The following RNF216 variants were observed in gnomAD, a reference collection of about 807,000 sequenced individuals.
RNF216 encodes the protein ring finger protein 216.
Under a neutral mutation model 110.8 loss-of-function variants are expected in RNF216, and 72 were observed. The ratio of observed to expected loss-of-function variants is 0.65; its 90% CI spans 0.54 to 0.79. The LOEUF is 0.79. Among genes scored for constraint, RNF216 ranks in the 30% least tolerant of loss-of-function variants. The pLI is 0.00. For synonymous variants in RNF216, 495 were observed against 407.5 expected (o/e 1.21, Z -2.59); for missense variants, 1,342 against 1,141.2 (o/e 1.18, Z -2.54).
At position 5,671,697 on chromosome 7, in the gene RNF216, T is replaced by C. The variant is rs541906208; in HGVS notation, c.2062-19187A>G. On this transcript the variant is annotated intron_variant, in intron 13 of 16. Transcript: ENST00000389902. ...GCGGGCACCTGTAATCCCAGCTATT[T>C]GGAAGGCTGAGGCAGGAGAATCTCT... is the stretch of plus-strand genomic sequence containing the variant. Among the ~76,000 whole-genome samples the C allele has an allele frequency of 2.0e-5, 3 of 149,142 alleles. No individual in the cohort carries two copies. The Admixed American group carries it at 2.0e-4, about 10-fold the overall frequency.
chr7:5,654,830 A>G (rs1223368641), intron 13 of RNF216, among the ~76,000 whole-genome samples: 1 of 152,112 alleles, frequency 6.6e-6, no homozygotes, highest in East Asian at 1.9e-4. Flanking sequence ...CATCCCATTC[A>G]GTAAACAAAG....
chr7:5,756,598 T>G (rs971184685), intron 2 of RNF216, among the ~76,000 whole-genome samples: 1 of 152,316 alleles, frequency 6.6e-6, no homozygotes, highest in African/African-American at 2.4e-5. Context: ...TTTCCCCATG[T>G]TGGCTAGGCT....
chr7:5,659,885 T>A (rs914803340), intron 13 of RNF216, among the ~76,000 whole-genome samples: 14 of 152,150 alleles, frequency 9.2e-5, no homozygotes, highest in African/African-American at 2.9e-4. Flanking sequence ...GAGAACCACA[T>A]TTTCTGATAT....
chr7:5,678,245 A>G (rs1790431721), intron 13 of RNF216, among the ~76,000 whole-genome samples: 1 of 152,188 alleles, frequency 6.6e-6, no homozygotes, highest in African/African-American at 2.4e-5. Context: ...GACCAATAAG[A>G]AAACCAGTCT....
chr7:5,739,086 C>T (rs558887585), intron 5 of RNF216, among the ~76,000 whole-genome samples, 190 bp downstream of exon 5: 87 of 152,114 alleles, frequency 5.7e-4, no homozygotes, highest in African/African-American at 3.9e-4. Context: ...GTGTTTAATG[C>T]GGACAGAGTT....
intron 13 of RNF216, among the ~76,000 whole-genome samples, chr7:5,692,032 G>A (rs1044876935): frequency 6.6e-6 from 1 of 152,176 alleles, no homozygotes; most frequent in African/African-American, 2.4e-5. Context: ...TTCAAGGAGG[G>A]ATTTCAAAAG....
In RNF216 at chr7:5,621,868, G is replaced by C. The variant is rs944543551; in HGVS notation, c.*992C>G. Reference sequence around the variant, plus strand: ...TGATGCTCAGCTGACTCCATGAGAAGGGAAGTGACCTTCACATGGGGGATA... The same window carrying C: ...TGATGCTCAGCTGACTCCATGAGAACGGAAGTGACCTTCACATGGGGGATA... On this transcript the variant is annotated 3_prime_UTR_variant, in exon 17 of 17. Coordinates refer to ENST00000389902, the MANE Select transcript of RNF216 (RefSeq NM_207111.4). 3 of 152,314 alleles carry C rather than the reference G, an allele frequency of 2.0e-5. No homozygotes were observed. The highest frequency in any genetic ancestry group is 7.2e-5 in the African/African-American group (3 of 41,442). 9.4% of individuals were successfully genotyped at this position (152,314 alleles called of 1,614,324 possible). A position where few individuals can be genotyped will look rare whatever the true frequency, so the allele number is the denominator to read the frequency against.
At position 5,715,087 on chromosome 7, in the gene RNF216, C is replaced by G. The variant is rs765500938; in HGVS notation, c.1799G>C (p.Arg600Thr). ...TCCAAAGACTGCCTCTTGGGCATAT[C>G]TGATGAGACACTCTTTGCAGAACAA... Reference protein sequence around the residue: ...AHLFCKECLIRYAQEAVFGSG... With the variant: ...AHLFCKECLITYAQEAVFGSG... Residue 600 changes from arginine (R) to threonine (T), a missense_variant, in exon 11 of 17, where the codon AGA becomes ACA. Transcript: ENST00000389902. The G allele has an allele frequency of 6.2e-7, 1 of 1,613,880 alleles. No individual in the cohort carries two copies. Among genetic ancestry groups the G allele is most frequent in the Non-Finnish European group, 8.5e-7 (1 of 1,179,990 alleles).
intron 13 of RNF216, among the ~76,000 whole-genome samples, chr7:5,683,551 T>A (rs147771826): frequency 1.3e-5 from 2 of 152,058 alleles, no homozygotes; most frequent in African/African-American, 4.8e-5. Flanking sequence ...TCATCAGAAC[T>A]CTCTGAACAG....
At chr7:5,710,645 C>G (rs1445102735) in intron 13 of RNF216, among the ~76,000 whole-genome samples, 6 of 152,236 alleles carry the variant, frequency 3.9e-5, no homozygotes, top group Non-Finnish European at 2.9e-5. Flanking sequence ...TGCCCCTACT[C>G]AGCTTATGAG....
chr7:5,706,625 T>C (rs985695859), intron 13 of RNF216, among the ~76,000 whole-genome samples: 9 of 152,244 alleles, frequency 5.9e-5, no homozygotes, highest in African/African-American at 2.2e-4. Context: ...TTGACGAACA[T>C]GTCAGTAAGT....
chr7:5,680,180 A>G lies in RNF216; in HGVS notation c.2062-27670T>C, dbSNP rs530946419. On this transcript the variant is annotated intron_variant, in intron 13 of 16. Coordinates refer to ENST00000389902, the MANE Select transcript of RNF216 (RefSeq NM_207111.4). This position sits in a 1 kb window ranked among gnomAD's most constrained non-coding sequence, Gnocchi z 4.3. ...CCAGCCTCCTCAGAGCTCGCCCTGGAAACACACGCTCCCCTCTACTTTAAC... is the reference window on the plus strand; with the variant it reads ...CCAGCCTCCTCAGAGCTCGCCCTGGGAACACACGCTCCCCTCTACTTTAAC... Among the ~76,000 whole-genome samples the G allele has an allele frequency of 6.6e-6, 1 of 152,264 alleles. No homozygotes were observed. The highest frequency in any genetic ancestry group is 1.5e-5 in the Non-Finnish European group (1 of 68,008).
rs1791630286 is a variant in RNF216 at position 5,696,397 on chromosome 7, C to A, written c.2061+15364G>T. The stretch of plus-strand genomic sequence containing the variant: ...GCCTTTTTAAATGACTGGGAAAAAA[C>A]TTGTGAAGGTTACATGGTTTCCTCC... On this transcript the variant is annotated intron_variant, in intron 13 of 16. Transcript: ENST00000389902. This position sits in a 1 kb window ranked among gnomAD's most constrained non-coding sequence, Gnocchi z 5.4. 6.6e-6 allele frequency among the ~76,000 whole-genome samples: 1 copy of A among 152,186 alleles called. No individual in the cohort carries two copies. Among genetic ancestry groups the A allele is most frequent in the Non-Finnish European group, 1.5e-5 (1 of 68,042 alleles).
chr7:5,741,783 G>A lies in RNF216; in HGVS notation c.234C>T (p.Leu78=), dbSNP rs137996886. The change falls in exon 4 of 17, where the codon CTC becomes CTT. Residue 78 remains leucine (L), a synonymous_variant. Coordinates refer to ENST00000389902, the MANE Select transcript of RNF216 (RefSeq NM_207111.4). ...TNKPQRSRPN[L]IKPAAQWQDL... ...CTTGCCACTGGGCAGCTGGTTTGAT[G>A]AGATTGGGTCGTGATCTCTGAGGTT... is the stretch of plus-strand genomic sequence containing the variant. 42 of 1,613,618 alleles carry A rather than the reference G, an allele frequency of 2.6e-5. No homozygotes were observed. The African/African-American group carries it at 4.3e-4, about 16-fold the overall frequency.
chr7:5,722,949 T>TA (rs937218486), intron 8 of RNF216, among the ~76,000 whole-genome samples: 3 of 151,554 alleles, frequency 2.0e-5, no homozygotes, highest in Admixed American at 6.6e-5. Flanking sequence ...GTCTTAAAAT[T>TA]AAAAAAAACA....
chr7:5,725,034 T>C (rs2287591), intron 8 of RNF216, among the ~76,000 whole-genome samples: 2 of 152,090 alleles, frequency 1.3e-5, no homozygotes, highest in Admixed American at 6.6e-5. Context: ...GACCAGTTTT[T>C]CCCCCCAAGC....
intron 13 of RNF216, among the ~76,000 whole-genome samples, chr7:5,659,168 C>T (rs769175702): frequency 6.6e-6 from 1 of 152,130 alleles, no homozygotes; most frequent in African/African-American, 2.4e-5. Flanking sequence ...AGTTTAGTTC[C>T]AGACCAGCTT....
intron 1 of RNF216, among the ~76,000 whole-genome samples, chr7:5,776,517 C>G (rs1452094958): frequency 6.7e-6 from 1 of 150,308 alleles, no homozygotes; most frequent in Admixed American, 6.7e-5. Context: ...ATGGCGAGAA[C>G]CCGGGAGGCG....
chr7:5,749,823 G>A (rs371454649), intron 3 of RNF216, among the ~76,000 whole-genome samples: 1 of 152,260 alleles, frequency 6.6e-6, no homozygotes, highest in South Asian at 2.1e-4. Flanking sequence ...TGCTAACCAA[G>A]ATCAAACAGC....
Sources: allele counts gnomAD v4.1 joint callset (sites outside exome capture counted in the v4.1 genomes callset), GRCh38; gene constraint gnomAD v4.1.1; non-coding constraint Gnocchi (gnomAD v3.1); transcripts MANE v1.5; gene names NCBI Gene and HGNC (gene_info 2026-07-23, HGNC 2026-07-21).